The following ZNF362 variants were observed in gnomAD, a reference collection of about 807,000 sequenced individuals.
ZNF362 encodes the protein zinc finger protein 362.
A neutral mutation model predicts 42.9 loss-of-function variants in ZNF362; 11 were observed. The observed-to-expected ratio is 0.26, with a 90% CI of 0.16 to 0.42. The LOEUF (loss-of-function observed/expected upper bound fraction) is 0.42, where lower values mean the gene tolerates loss of function less well. ZNF362 is among the 20% of genes least tolerant of loss of function. The pLI, the probability that ZNF362 is intolerant of heterozygous loss-of-function variation, is 1.00. For missense variants in ZNF362, 362 were observed against 576.2 expected, an observed-to-expected ratio of 0.63 and a Z score of 3.81; for synonymous variants, 255 against 257.3, an observed-to-expected ratio of 0.99 and a Z score of 0.09.
At chr1:33,242,434 G>A in the ZNF362 span, among the ~76,000 whole-genome samples, 1 of 152,030 alleles carries the variant, frequency 6.6e-6, no homozygotes, top group Non-Finnish European at 1.5e-5. Context: ...TTTAAAGTGG[G>A]TTCTCTCATT....
chr1:33,132,579 C>G, the ZNF362 span, among the ~76,000 whole-genome samples: 1 of 152,260 alleles, frequency 6.6e-6, no homozygotes, highest in East Asian at 1.9e-4. Context: ...CTCCCCCTAA[C>G]CTTCCTCTCC....
the ZNF362 span, among the ~76,000 whole-genome samples, chr1:33,194,235 A>G: frequency 1.3e-5 from 2 of 152,102 alleles, no homozygotes; most frequent in Non-Finnish European, 2.9e-5. Context: ...TTATAATAGT[A>G]TGGAATATTA....
chr1:33,189,638 T>TATATATAC, the ZNF362 span, among the ~76,000 whole-genome samples: 1 of 13,906 alleles, frequency 7.2e-5, no homozygotes, highest in East Asian at 1.3e-3. Context: ...TTCCAGCATA[T>TATATATAC]ATATATATAT....
At chr1:33,274,215 A>C (rs1247416932) in intron 2 of ZNF362, among the ~76,000 whole-genome samples, 2 of 152,222 alleles carry the variant, frequency 1.3e-5, no homozygotes, top group African/African-American at 4.8e-5. Context: ...GATGAGCTGG[A>C]CTTCAGAGTC....
intron 4 of ZNF362, among the ~76,000 whole-genome samples, chr1:33,277,934 G>A (rs887121249): frequency 6.4e-5 from 6 of 93,730 alleles, no homozygotes; most frequent in Non-Finnish European, 1.0e-4. Context: ...TTCCTCCCCT[G>A]TCGCCCCTGC....
upstream of ZNF362, among the ~76,000 whole-genome samples, chr1:33,253,597 T>C (rs947780671): frequency 3.3e-5 from 5 of 152,028 alleles, no homozygotes; most frequent in Non-Finnish European, 2.9e-5. Flanking sequence ...GCATGTACCC[T>C]TCCCCCATAA....
chr1:33,287,954 C>T (rs1441125907), intron 6 of ZNF362, among the ~76,000 whole-genome samples: 1 of 152,174 alleles, frequency 6.6e-6, no homozygotes, highest in Non-Finnish European at 1.5e-5. Context: ...AAAAACACGA[C>T]ATGCCAAAAG....
intron 4 of ZNF362, among the ~76,000 whole-genome samples, chr1:33,277,823 G>C (rs1645962806): frequency 6.6e-6 from 1 of 152,168 alleles, no homozygotes; most frequent in Non-Finnish European, 1.5e-5. Context: ...GGGGTGCCAG[G>C]CGGACATCCT....
the ZNF362 span, among the ~76,000 whole-genome samples, chr1:33,174,989 GCACACA>G: frequency 5.3e-3 from 427 of 79,860 alleles, 5 homozygotes; most frequent in African/African-American, 0.02. Context: ...ACATATATAT[GCACACA>G]CACATGTATG....
chr1:33,283,620 G>C (rs1022199633), intron 6 of ZNF362, among the ~76,000 whole-genome samples: 1 of 152,152 alleles, frequency 6.6e-6, no homozygotes, highest in Non-Finnish European at 1.5e-5. Context: ...AGGATCGATT[G>C]CTTGAACTCA....
the ZNF362 span, among the ~76,000 whole-genome samples, chr1:33,211,288 G>A: frequency 8.0e-3 from 1,213 of 152,210 alleles, 19 homozygotes; most frequent in African/African-American, 0.028. Flanking sequence ...TATGATGCTA[G>A]CTGGTTATTT....
chr1:33,208,887 C>CT, the ZNF362 span, among the ~76,000 whole-genome samples: 1 of 152,244 alleles, frequency 6.6e-6, no homozygotes, highest in Non-Finnish European at 1.5e-5. Context: ...ATTTGATTTC[C>CT]TTTTTTCCTA....
chr1:33,234,141 A>T, the ZNF362 span, among the ~76,000 whole-genome samples: 6,477 of 152,124 alleles, frequency 0.043, 207 homozygotes, highest in Non-Finnish European at 0.069. Flanking sequence ...CCAGAATACA[A>T]CCCCTAGGGT....
intron 6 of ZNF362, among the ~76,000 whole-genome samples, chr1:33,292,947 G>T (rs1646090153): frequency 6.6e-6 from 1 of 152,238 alleles, no homozygotes; most frequent in African/African-American, 2.4e-5. Context: ...GTGCAGGGGT[G>T]CTCAGAACTG....
Position 33,299,082 on chromosome 1 carries a change from C to T in ZNF362, c.*36C>T, listed in dbSNP as rs775803194. Reference sequence around the variant, plus strand: ...GGCGCCGCCCCACCCGGCCCACTGGCAGACACAGACCCAGGCAGCACCAGG... The same window carrying T: ...GGCGCCGCCCCACCCGGCCCACTGGTAGACACAGACCCAGGCAGCACCAGG... On this transcript the variant is annotated 3_prime_UTR_variant, in exon 9 of 9. Transcript: ENST00000539719. 3.9e-6 allele frequency: 6 copies of T among 1,545,208 alleles called. No individual in the cohort carries two copies. Among genetic ancestry groups the T allele is most frequent in the Admixed American group, 1.7e-5 (1 of 59,864 alleles).
At chr1:33,290,670 A>C (rs1206025853) in intron 6 of ZNF362, among the ~76,000 whole-genome samples, 1 of 151,596 alleles carries the variant, frequency 6.6e-6, no homozygotes, top group Non-Finnish European at 1.5e-5. Context: ...ACTAGTTTAC[A>C]GTCCCACCAA....
chr1:33,248,380 A>G, the ZNF362 span, among the ~76,000 whole-genome samples: 2 of 152,212 alleles, frequency 1.3e-5, no homozygotes, highest in Admixed American at 1.3e-4. Flanking sequence ...ATGGTGAAAG[A>G]TGACTAAGAC....
chr1:33,159,090 C>G, the ZNF362 span, among the ~76,000 whole-genome samples: 2 of 151,964 alleles, frequency 1.3e-5, no homozygotes, highest in Non-Finnish European at 2.9e-5. The surrounding 1 kb of genome is among the most constrained non-coding windows in gnomAD (Gnocchi z 4.2). Flanking sequence ...GGTAATCCAC[C>G]TGCCTCGGCC....
chr1:33,207,787 G>A, the ZNF362 span, among the ~76,000 whole-genome samples: 2 of 152,154 alleles, frequency 1.3e-5, no homozygotes, highest in East Asian at 3.9e-4. Context: ...TGCACTTTTT[G>A]ATGGGGTTGT....
Sources: allele counts gnomAD v4.1 joint callset (sites outside exome capture counted in the v4.1 genomes callset), GRCh38; gene constraint gnomAD v4.1.1; non-coding constraint Gnocchi (gnomAD v3.1); transcripts MANE v1.5; gene names NCBI Gene and HGNC (gene_info 2026-07-23, HGNC 2026-07-21).